NAALADL2: variants seen among roughly 807,000 people sequenced by gnomAD.
The protein encoded by NAALADL2 is N-acetylated alpha-linked acidic dipeptidase like 2.
In NAALADL2, 76 loss-of-function variants were observed where a neutral mutation model predicts 87.2. The ratio of observed to expected loss-of-function variants is 0.87; its 90% CI spans 0.72 to 1.05. The LOEUF is 1.05. Ranked by LOEUF, NAALADL2 falls within the 50% of genes least tolerant of loss-of-function variation. The pLI is 0.00. For synonymous variants in NAALADL2, 354 were observed against 331.0 expected (o/e 1.07, Z -0.75); for missense variants, 1,089 against 945.8 (o/e 1.15, Z -1.99).
chr3:175,718,224 G>GTTTT, intron 11 of NAALADL2: 4 of 191,552 alleles, frequency 2.1e-5, no homozygotes, highest in Non-Finnish European at 3.2e-5. Flanking sequence ...TTTTTTTTTT[G>GTTTT]ATTAGTTGCT....
chr3:175,667,223 G>GAA lies in NAALADL2; in HGVS notation c.1896+39839_1896+39840dup, dbSNP rs1156518991. 8.5e-4 allele frequency among the ~76,000 whole-genome samples: 108 copies of GAA among 127,050 alleles called. 1 individual carries two copies. The highest frequency in any genetic ancestry group is 3.7e-3 in the African/African-American group (91 of 24,646). 83.3% of individuals were successfully genotyped at this position (127,050 alleles called of 152,430 possible). On this transcript the variant is annotated intron_variant, in intron 11 of 13. Coordinates refer to ENST00000454872, the MANE Select transcript of NAALADL2 (RefSeq NM_207015.3). ...AGAAAGAAAGAAAGAAAGAAAGAAA[G>GAA]AAAGAAAGAAAGAAAGAAAAAGAAA... is the stretch of plus-strand genomic sequence containing the variant.
At chr3:175,076,891 G>A (rs1025759806) in intron 1 of NAALADL2, among the ~76,000 whole-genome samples, 1 of 152,202 alleles carries the variant, frequency 6.6e-6, no homozygotes, top group African/African-American at 2.4e-5. Flanking sequence ...CAAGTGATAT[G>A]TGTGTGCAGT....
At chr3:175,307,627 ATAAAT>A (rs1219810466) in intron 4 of NAALADL2, among the ~76,000 whole-genome samples, 1 of 152,178 alleles carries the variant, frequency 6.6e-6, no homozygotes, top group Non-Finnish European at 1.5e-5. Context: ...TCTTTCTGAA[ATAAAT>A]TAAGTAAAGC....
intron 11 of NAALADL2, among the ~76,000 whole-genome samples, chr3:175,709,938 C>T (rs771212981): frequency 6.6e-6 from 1 of 151,816 alleles, no homozygotes. Flanking sequence ...AAGTGTGATG[C>T]GAGGAAATCA....
At chr3:174,539,998 A>G (rs11713771) in intron 1 of NAALADL2, among the ~76,000 whole-genome samples, 11,747 of 147,752 alleles carry the variant, frequency 0.08, 811 homozygotes, top group African/African-American at 0.15. Flanking sequence ...AAAAAAAAAA[A>G]AAAAAAAAAG....
At chr3:174,573,446 C>T (rs1364443158) in intron 2 of NAALADL2, among the ~76,000 whole-genome samples, 16 of 152,010 alleles carry the variant, frequency 1.1e-4, no homozygotes, top group Admixed American at 7.2e-4. Context: ...ATTTGCTGAT[C>T]GCATGGTGTA....
At chr3:175,639,794 C>A (rs1729054103) in intron 11 of NAALADL2, among the ~76,000 whole-genome samples, 1 of 152,110 alleles carries the variant, frequency 6.6e-6, no homozygotes, top group South Asian at 2.1e-4. Flanking sequence ...ACAGTGGGTA[C>A]TTTAACTTCC....
intron 5 of NAALADL2, among the ~76,000 whole-genome samples, chr3:175,345,420 T>C (rs533556453): frequency 4.7e-4 from 72 of 152,264 alleles, no homozygotes; most frequent in African/African-American, 1.7e-3. Flanking sequence ...GTTTTTTTCC[T>C]AATATCATCC....
chr3:174,814,669 T>G (rs1266187370), intron 3 of NAALADL2, among the ~76,000 whole-genome samples: 1 of 152,132 alleles, frequency 6.6e-6, no homozygotes, highest in East Asian at 1.9e-4. Context: ...CAAATTTAAG[T>G]ACTACTATCA....
At chr3:174,938,567 T>C (rs1738060455) in intron 1 of NAALADL2, among the ~76,000 whole-genome samples, 1 of 152,148 alleles carries the variant, frequency 6.6e-6, no homozygotes, top group South Asian at 2.1e-4. Flanking sequence ...GGTCGAATGG[T>C]AGTTCTGCTT....
At chr3:175,671,386 G>A (rs1733985505) in intron 11 of NAALADL2, among the ~76,000 whole-genome samples, 1 of 151,932 alleles carries the variant, frequency 6.6e-6, no homozygotes, top group South Asian at 2.1e-4. Flanking sequence ...ACAACCCAGT[G>A]CCTTTCTCTT....
At chr3:174,746,570 G>GA (rs904308875) in intron 3 of NAALADL2, among the ~76,000 whole-genome samples, 97 of 148,534 alleles carry the variant, frequency 6.5e-4, no homozygotes, top group Middle Eastern at 3.5e-3. Context: ...CACAGAATTA[G>GA]AAAAAAAAAG....
chr3:174,545,124 G>A (rs940469063), intron 1 of NAALADL2, among the ~76,000 whole-genome samples: 3 of 151,904 alleles, frequency 2.0e-5, no homozygotes, highest in South Asian at 2.1e-4. Context: ...AATGATCCTC[G>A]TGTCTTGGCC....
chr3:174,457,236 C>G (rs768882342), intron 1 of NAALADL2, among the ~76,000 whole-genome samples: 2 of 152,064 alleles, frequency 1.3e-5, no homozygotes, highest in Non-Finnish European at 2.9e-5. Context: ...GGAAAAGGAA[C>G]ACTTAGACAC....
intron 1 of NAALADL2, among the ~76,000 whole-genome samples, chr3:174,933,403 G>A (rs1579600712): frequency 6.6e-6 from 1 of 151,920 alleles, no homozygotes; most frequent in East Asian, 1.9e-4. Flanking sequence ...GTTTCTTCTG[G>A]GAATCTTTAT....
chr3:174,999,236 T>A (rs548078306), intron 1 of NAALADL2, among the ~76,000 whole-genome samples: 12 of 152,284 alleles, frequency 7.9e-5, no homozygotes, highest in Admixed American at 2.6e-4. Context: ...CCATTGGTCT[T>A]GCATTATAAA....
At chr3:174,796,950 TGTTA>T (rs1413823520) in intron 3 of NAALADL2, among the ~76,000 whole-genome samples, 1 of 152,018 alleles carries the variant, frequency 6.6e-6, no homozygotes, top group Admixed American at 6.6e-5. Flanking sequence ...GTGCAGATCT[TGTTA>T]GTTTAATTAA....
rs891255544 is a variant in NAALADL2, at chr3:175,804,581, G to C, written c.*1378G>C. 2 of 151,716 alleles carry C rather than the reference G, an allele frequency of 1.3e-5. No individual in the cohort carries two copies. Among genetic ancestry groups the C allele is most frequent in the African/African-American group, 4.8e-5 (2 of 41,372 alleles). The allele number at this position is 151,716 out of a possible 1,614,324, so 9.4% of individuals were successfully genotyped here. A position where few individuals can be genotyped will look rare whatever the true frequency, so the allele number is the denominator to read the frequency against. ...ATTCCCCTTAGGAAACATAGCCTCA[G>C]AGTATTTCATATAAATTTTCTCTAT... is the stretch of plus-strand genomic sequence containing the variant. On this transcript the variant is annotated 3_prime_UTR_variant, in exon 14 of 14. Transcript: ENST00000454872.
intron 1 of NAALADL2, among the ~76,000 whole-genome samples, chr3:174,871,384 A>G (rs991330449): frequency 5.3e-5 from 8 of 152,238 alleles, no homozygotes; most frequent in African/African-American, 9.6e-5. Context: ...TAATTATGCT[A>G]TAAACTTCGG....
Sources: allele counts gnomAD v4.1 joint callset (sites outside exome capture counted in the v4.1 genomes callset), GRCh38; gene constraint gnomAD v4.1.1; transcripts MANE v1.5; gene names NCBI Gene and HGNC (gene_info 2026-07-23, HGNC 2026-07-21).